Variants in LDHD observed in about 807,000 individuals in gnomAD.
The protein encoded by LDHD is lactate dehydrogenase D.
A neutral mutation model predicts 52.9 loss-of-function variants in LDHD; 58 were observed. The ratio of observed to expected loss-of-function variants is 1.10; its 90% CI spans 0.89 to 1.36. The LOEUF (loss-of-function observed/expected upper bound fraction) is 1.36, where lower values mean the gene tolerates loss of function less well. Ranked by LOEUF, LDHD falls within the 40% of genes most tolerant of loss-of-function variation. LDHD has a pLI of 0.00. For synonymous variants in LDHD, 350 were observed against 288.6 expected (o/e 1.21, Z -2.16); for missense variants, 747 against 668.0 (o/e 1.12, Z -1.30).
At position 75,112,648 on chromosome 16, in the gene LDHD, C is replaced by A. The variant is rs761717844; in HGVS notation, c.1243G>T (p.Ala415Ser). The change falls in exon 10 of 11, where the codon GCC becomes TCC. Residue 415 changes from alanine to serine, a missense_variant. Physicochemically the swap from Ala to Ser is moderately conservative, Grantham distance 99. Transcript: ENST00000450168. ...GCCTTGACCCTGCCCAGTTCCTCGG[C>A]GTCATCAGGGTTGACCAGCAGGATG... ...HCILLVNPDDAEELGRVKAFA... is the reference protein window; with the variant it reads ...HCILLVNPDDSEELGRVKAFA... 2.5e-6 allele frequency: 4 copies of A among 1,614,152 alleles called. No homozygotes were observed. The South Asian group carries it at 4.4e-5, about 18-fold the overall frequency.
chr16:75,115,564 C>G lies in LDHD; in HGVS notation c.169G>C (p.Asp57His), dbSNP rs755210673. 54 of 1,612,816 alleles carry G rather than the reference C, an allele frequency of 3.3e-5. No homozygotes were observed. The highest frequency in any genetic ancestry group is 4.3e-5 in the Non-Finnish European group (51 of 1,179,888). Residue 57 changes from aspartate (D) to histidine (H), a missense_variant, in exon 2 of 11, where the codon GAT becomes CAT. Asp to His is a moderately conservative substitution (Grantham distance 81). Coordinates refer to ENST00000450168, the MANE Select transcript of LDHD (RefSeq NM_194436.3). ...AAVVREQHGR[D>H]ESVHRCEPPD... ...CTCCCATACCTGTGCACCGACTCATCGCGCCCGTGCTGCTCTCGGACCACC... is the reference window on the plus strand; with the variant it reads ...CTCCCATACCTGTGCACCGACTCATGGCGCCCGTGCTGCTCTCGGACCACC...
chr16:75,115,447 C>T, intron 2 of LDHD, 101 bp downstream of exon 2: 1 of 1,587,384 alleles, frequency 6.3e-7, no homozygotes, highest in Non-Finnish European at 8.6e-7. Flanking sequence ...TGCCAGAGCA[C>T]CCCAAAACAG....
chr16:75,116,122 A>T (rs1171194169), intron 1 of LDHD, among the ~76,000 whole-genome samples: 1 of 152,168 alleles, frequency 6.6e-6, no homozygotes, highest in Non-Finnish European at 1.5e-5. Context: ...CAGCCTGAGC[A>T]ACCGAAAAGA....
At chr16:75,113,042 A>C in intron 8 of LDHD, 118 bp from the exon 9 acceptor site, 1 of 718,412 alleles carries the variant, frequency 1.4e-6, no homozygotes, top group Non-Finnish European at 2.4e-6. Flanking sequence ...TCACACAAGG[A>C]AATAATCCTG....
At position 75,113,552 on chromosome 16, in the gene LDHD, T is replaced by G; in HGVS notation, c.1069A>C (p.Thr357Pro). Residue 357 changes from threonine to proline, a missense_variant, in exon 8 of 11, where the codon ACG becomes CCG. Thr to Pro is a conservative substitution (Grantham distance 38, BLOSUM62 -1). Transcript: ENST00000450168. ...CAGCTCACCTTGCAGCCTGGCCGCGTGGCCAGGGCTGCGTACCAGGCATTG... is the reference window on the plus strand; with the variant it reads ...CAGCTCACCTTGCAGCCTGGCCGCGGGGCCAGGGCTGCGTACCAGGCATTG... Reference protein sequence around the residue: ...RHNAWYAALATRPGCKGYSTD... With the variant: ...RHNAWYAALAPRPGCKGYSTD... The G allele has an allele frequency of 6.2e-7, 1 of 1,608,626 alleles. No homozygotes were observed. The highest frequency in any genetic ancestry group is 8.5e-7 in the Non-Finnish European group (1 of 1,177,562).
Position 75,114,597 on chromosome 16 carries a change from G to T in LDHD, c.558C>A (p.Asn186Lys), listed in dbSNP as rs1176149022. Residue 186 changes from asparagine (N) to lysine (K), a missense_variant, in exon 5 of 11, where the codon AAC (asparagine) becomes AAA (lysine). Physicochemically the swap from Asn to Lys is moderately conservative, Grantham distance 94 (BLOSUM62 0). Transcript: ENST00000450168. ...NAVRYGTMRD[N>K]VLNLEVVLPD... ...GCAGCACCACCTCCAGGTTGAGCAC[G>T]TTGTCCCGCATGGTGCCGTAGCGGA... 2.0e-6 allele frequency: 3 copies of T among 1,534,540 alleles called. No homozygotes were observed. The highest frequency in any genetic ancestry group is 1.7e-6 in the Non-Finnish European group (2 of 1,145,284).
At position 75,112,130 on chromosome 16, in the gene LDHD, G is replaced by A. The variant is rs1345821835; in HGVS notation, c.*226C>T. ...GCAGCTTTGCTGGGAACCACCCTGG[G>A]TCGTTTACTGAACCAAAGGCTCCTG... is the stretch of plus-strand genomic sequence containing the variant. On this transcript the variant is annotated 3_prime_UTR_variant, in exon 11 of 11. Coordinates refer to ENST00000450168, the MANE Select transcript of LDHD (RefSeq NM_194436.3). 2 of 554,968 alleles carry A rather than the reference G, an allele frequency of 3.6e-6. No individual in the cohort carries two copies. The highest frequency in any genetic ancestry group is 3.3e-5 in the Admixed American group (1 of 30,146). 34.4% of individuals were successfully genotyped at this position (554,968 alleles called of 1,614,324 possible).
rs2145441383 is a variant in LDHD at position 75,113,871 on chromosome 16, C to A, written c.830-1G>T. The A allele has an allele frequency of 5.0e-6, 8 of 1,613,920 alleles. No homozygotes were observed. The highest frequency in any genetic ancestry group is 6.8e-6 in the Non-Finnish European group (8 of 1,180,008). ...TCCATCATGACTTCATCCAGGAACT[C>A]TGGATCCAGGGAGATGGCAGGCCAG... On this transcript the variant is annotated splice_acceptor_variant, in intron 6 of 10. Coordinates refer to ENST00000450168, the MANE Select transcript of LDHD (RefSeq NM_194436.3). LOFTEE classifies it high-confidence loss of function.
Position 75,114,566 on chromosome 16 carries a change from C to T in LDHD, c.589G>A (p.Gly197Arg). Reference protein sequence around the residue: ...VLNLEVVLPDGRLLHTAGRGR... With the variant: ...VLNLEVVLPDRRLLHTAGRGR... ...CGGCCCGCCGTGTGCAGCAGCCGCC[C>T]GTCGGGCAGCACCACCTCCAGGTTG... Residue 197 changes from glycine to arginine, a missense_variant, in exon 5 of 11, where the codon GGG (glycine) becomes AGG (arginine). Physicochemically the swap from Gly to Arg is moderately radical, Grantham distance 125. Transcript: ENST00000450168. 3 of 1,531,266 alleles carry T rather than the reference C, an allele frequency of 2.0e-6. No homozygotes were observed. Among genetic ancestry groups the T allele is most frequent in the African/African-American group, 1.4e-5 (1 of 72,966 alleles). The allele number at this position is 1,531,266 out of a possible 1,614,324, so 94.9% of individuals were successfully genotyped here. A position where few individuals can be genotyped will look rare whatever the true frequency, so the allele number is the denominator to read the frequency against.
rs1446776417 is a variant in LDHD, at chr16:75,114,733, C to A, written c.470-48G>T. On this transcript the variant is annotated intron_variant, in intron 4 of 10. Coordinates refer to ENST00000450168, the MANE Select transcript of LDHD (RefSeq NM_194436.3). Reference sequence around the variant, plus strand: ...CAGCCTCAGGGACCGGAGGTCCTTTCCCTCGGGCTGGGGGAGGAAGGTCCC... The same window carrying A: ...CAGCCTCAGGGACCGGAGGTCCTTTACCTCGGGCTGGGGGAGGAAGGTCCC... 2.6e-6 allele frequency: 4 copies of A among 1,552,206 alleles called. No homozygotes were observed. The African/African-American group carries it at 4.1e-5, about 16-fold the overall frequency.
intron 8 of LDHD, 47 bp downstream of exon 8, chr16:75,113,488 T>TTGTGGGCCGAGC: frequency 6.4e-7 from 1 of 1,560,950 alleles, no homozygotes; most frequent in Non-Finnish European, 8.6e-7. Flanking sequence ...AGGAAAGGGT[T>TTGTGGGCCGAGC]TGTGGGCCGA....
chr16:75,112,956 G>T (rs972920505), intron 8 of LDHD, 32 bp from the exon 9 acceptor site: 10 of 1,531,096 alleles, frequency 6.5e-6, no homozygotes, highest in Non-Finnish European at 8.1e-6. Flanking sequence ...AGTTACCCCT[G>T]CCTGATTGGG....
chr16:75,113,080 C>A (rs2036445476), intron 8 of LDHD, among the ~76,000 whole-genome samples, 156 bp from the exon 9 acceptor site: 1 of 152,072 alleles, frequency 6.6e-6, no homozygotes, highest in Non-Finnish European at 1.5e-5. Context: ...GCCCTCACCT[C>A]CCCCCGACAC....
At chr16:75,114,500 C>T (rs771423647) in intron 5 of LDHD, 26 bp downstream of exon 5, 7 of 1,486,614 alleles carry the variant, frequency 4.7e-6, no homozygotes, top group South Asian at 1.3e-5. Context: ...GGGCCAGAGC[C>T]CGGGCCCCCC....
At position 75,114,641 on chromosome 16, in the gene LDHD, C is replaced by T. The variant is rs773481679; in HGVS notation, c.514G>A (p.Ala172Thr). Reference protein sequence around the residue: ...ASLCGMAATGASGTNAVRYGT... With the variant: ...ASLCGMAATGTSGTNAVRYGT... ...TAGCGGACCGCGTTGGTCCCCGACG[C>T]CCCGGTGGCCGCCATGCCACAGAGA... Residue 172 changes from alanine to threonine, a missense_variant, in exon 5 of 11, where the codon GCG becomes ACG. Transcript: ENST00000450168. 31 of 1,530,630 alleles carry T rather than the reference C, an allele frequency of 2.0e-5. No individual in the cohort carries two copies. Among genetic ancestry groups the T allele is most frequent in the East Asian group, 2.5e-5 (1 of 40,730 alleles). 94.8% of individuals were successfully genotyped at this position (1,530,630 alleles called of 1,614,324 possible). A position where few individuals can be genotyped will look rare whatever the true frequency, so the allele number is the denominator to read the frequency against.
In LDHD at chr16:75,112,452, C is replaced by T. The variant is rs1447136087; in HGVS notation, c.1359G>A (p.Leu453=). 1.2e-6 allele frequency: 2 copies of T among 1,613,410 alleles called. No individual in the cohort carries two copies. The highest frequency in any genetic ancestry group is 1.7e-5 in the Admixed American group (1 of 60,014). The change falls in exon 11 of 11, where the codon CTG becomes CTA. Residue 453 remains leucine (L), a synonymous_variant. Coordinates refer to ENST00000450168, the MANE Select transcript of LDHD (RefSeq NM_194436.3). ...HGIGMGKRQL[L]QEEVGAVGVE... ...CGCCCACGGCGCCCACCTCCTCCTG[C>T]AGCAGCTGCCGCTTGCCCATTCCGA...
rs772438980 is a variant in LDHD at position 75,112,884 on chromosome 16, G to A, written c.1127C>T (p.Pro376Leu). The change falls in exon 9 of 11, where the codon CCG becomes CTG. Residue 376 changes from proline to leucine, a missense_variant. Physicochemically the swap from Pro to Leu is moderately conservative, Grantham distance 98 (BLOSUM62 -3). Coordinates refer to ENST00000450168, the MANE Select transcript of LDHD (RefSeq NM_194436.3). ...CTCCTTGGTCTGCACCACGATCTCC[G>A]GCAGCCGGGAGATGGGCACACACAC... is the stretch of plus-strand genomic sequence containing the variant. ...TDVCVPISRLPEIVVQTKEDL... is the reference protein window; with the variant it reads ...TDVCVPISRLLEIVVQTKEDL... 30 of 1,613,052 alleles carry A rather than the reference G, an allele frequency of 1.9e-5. No individual in the cohort carries two copies. Among genetic ancestry groups the A allele is most frequent in the Middle Eastern group, 1.6e-4 (1 of 6,082 alleles).
Position 75,113,529 on chromosome 16 carries a change from G to A in LDHD, c.1086+6C>T, listed in dbSNP as rs1229699326. 1 of 1,602,672 alleles carries A rather than the reference G, an allele frequency of 6.2e-7. No homozygotes were observed. The highest frequency in any genetic ancestry group is 8.5e-7 in the Non-Finnish European group (1 of 1,175,196). On this transcript the variant is annotated splice_donor_region_variant and intron_variant, in intron 8 of 10. Transcript: ENST00000450168. Reference sequence around the variant, plus strand: ...GGGCCCCATCTGTACCCCAGCCCCAGCTCACCTTGCAGCCTGGCCGCGTGG... The same window carrying A: ...GGGCCCCATCTGTACCCCAGCCCCAACTCACCTTGCAGCCTGGCCGCGTGG...
In LDHD at chr16:75,114,984, G is replaced by T. The variant is rs1214425586; in HGVS notation, c.328-16C>A. ...AGACGCCGCCCTGGTTGGGGCAGGT[G>T]CTAAGACCACTGCAGACCTGGGTCT... On this transcript the variant is annotated splice_polypyrimidine_tract_variant and intron_variant, in intron 3 of 10. Transcript: ENST00000450168. The T allele has an allele frequency of 1.2e-6, 2 of 1,603,772 alleles. No individual in the cohort carries two copies. Among genetic ancestry groups the T allele is most frequent in the Non-Finnish European group, 1.7e-6 (2 of 1,175,154 alleles).
Sources: allele counts gnomAD v4.1 joint callset (sites outside exome capture counted in the v4.1 genomes callset), GRCh38; gene constraint gnomAD v4.1.1; transcripts MANE v1.5; gene names NCBI Gene and HGNC (gene_info 2026-07-23, HGNC 2026-07-21).